The following F13A1 variants were observed in gnomAD, a reference collection of about 807,000 sequenced individuals.
F13A1 encodes the protein coagulation factor XIII A chain, also known as FSF, A subunit.
In F13A1, 47 loss-of-function variants were observed where a neutral mutation model predicts 80.1. The ratio of observed to expected loss-of-function variants is 0.59; its 90% CI spans 0.46 to 0.75. F13A1 has a LOEUF of 0.75. F13A1 is among the 30% of genes least tolerant of loss of function. The pLI is 0.00. For missense variants in F13A1, 817 were observed against 930.4 expected (o/e 0.88, Z 1.59); for synonymous variants, 349 against 344.9 (o/e 1.01, Z -0.13).
intron 14 of F13A1, among the ~76,000 whole-genome samples, chr6:6,148,419 C>A (rs187875277): frequency 6.6e-6 from 1 of 152,146 alleles, no homozygotes; most frequent in Non-Finnish European, 1.5e-5. Flanking sequence ...CCCCTGCCTT[C>A]TAGACACCAC....
At chr6:6,312,348 A>T (rs1274276281) in intron 2 of F13A1, among the ~76,000 whole-genome samples, 12 of 151,934 alleles carry the variant, frequency 7.9e-5, no homozygotes, top group Non-Finnish European at 1.8e-4. Flanking sequence ...GGCAGTGATA[A>T]GTAAAACTTT....
intron 4 of F13A1, among the ~76,000 whole-genome samples, chr6:6,257,408 C>G (rs997496398): frequency 1.3e-5 from 2 of 152,012 alleles, no homozygotes; most frequent in Non-Finnish European, 2.9e-5. Flanking sequence ...TTTCATATAG[C>G]CACTCCAGAG....
At chr6:6,211,348 C>G (rs1490884179) in intron 8 of F13A1, among the ~76,000 whole-genome samples, 2 of 152,208 alleles carry the variant, frequency 1.3e-5, no homozygotes, top group East Asian at 3.8e-4. Context: ...TGGTCTAACT[C>G]CAGGTGATTT....
chr6:6,304,978 A>G (rs550892176), intron 3 of F13A1: 11 of 351,648 alleles, frequency 3.1e-5, no homozygotes, highest in Admixed American at 1.2e-4. Context: ...AACTTTCGGA[A>G]TGCATACTTG....
chr6:6,312,342 G>A (rs111427107), intron 2 of F13A1, among the ~76,000 whole-genome samples: 84 of 151,944 alleles, frequency 5.5e-4, no homozygotes, highest in African/African-American at 2.0e-3. Flanking sequence ...AACTAAGGCA[G>A]TGATAAGTAA....
At chr6:6,208,221 T>C (rs1332936633) in intron 8 of F13A1, among the ~76,000 whole-genome samples, 2 of 152,086 alleles carry the variant, frequency 1.3e-5, no homozygotes, top group Non-Finnish European at 2.9e-5. Context: ...CAAATAGAAA[T>C]TCTGGAACTG....
At chr6:6,212,030 GC>G (rs1200817209) in intron 8 of F13A1, among the ~76,000 whole-genome samples, 4 of 152,238 alleles carry the variant, frequency 2.6e-5, no homozygotes, top group East Asian at 3.8e-4. Flanking sequence ...AGGGTCCTAT[GC>G]CCACGGAGTC....
intron 11 of F13A1, among the ~76,000 whole-genome samples, chr6:6,181,677 G>A (rs991342689): frequency 1.3e-5 from 2 of 152,094 alleles, no homozygotes; most frequent in Admixed American, 6.6e-5. Context: ...TTTTCTAATA[G>A]GATTATTTAA....
chr6:6,252,664 T>G (rs1757649542), intron 4 of F13A1, among the ~76,000 whole-genome samples: 1 of 152,194 alleles, frequency 6.6e-6, no homozygotes, highest in African/African-American at 2.4e-5. Flanking sequence ...AAAATTAACT[T>G]TGTCAAAAGA....
At chr6:6,232,894 C>A (rs1414674684) in intron 6 of F13A1, among the ~76,000 whole-genome samples, 3 of 152,076 alleles carry the variant, frequency 2.0e-5, no homozygotes, top group African/African-American at 7.2e-5. Context: ...TTAAAAAATT[C>A]TTTGAACTGA....
intron 10 of F13A1, among the ~76,000 whole-genome samples, chr6:6,188,138 C>A (rs376132362): frequency 4.6e-5 from 7 of 151,960 alleles, no homozygotes; most frequent in African/African-American, 1.5e-4. Flanking sequence ...GTCTTGCTTG[C>A]GGTCTATCAG....
intron 10 of F13A1, among the ~76,000 whole-genome samples, chr6:6,194,755 G>T (rs1259588709): frequency 6.6e-6 from 1 of 152,172 alleles, no homozygotes; most frequent in Non-Finnish European, 1.5e-5. Flanking sequence ...ATTCCCCCCA[G>T]TACAATGCCT....
intron 2 of F13A1, among the ~76,000 whole-genome samples, chr6:6,306,759 A>G (rs569796524): frequency 7.2e-5 from 11 of 152,180 alleles, no homozygotes; most frequent in Non-Finnish European, 1.0e-4. Flanking sequence ...TCATGGCTAT[A>G]AGCACCATGT....
At chr6:6,154,796 G>T (rs1760445298) in intron 13 of F13A1, among the ~76,000 whole-genome samples, 1 of 151,998 alleles carries the variant, frequency 6.6e-6, no homozygotes. Flanking sequence ...AAACATCTTT[G>T]GATTTAAAAA....
intron 6 of F13A1, among the ~76,000 whole-genome samples, chr6:6,242,616 CTG>C (rs1403216869): frequency 2.0e-5 from 3 of 152,074 alleles, no homozygotes; most frequent in Non-Finnish European, 4.4e-5. Context: ...GATCAAGTAA[CTG>C]TAAATGTTGA....
intron 13 of F13A1, among the ~76,000 whole-genome samples, chr6:6,163,511 G>C (rs1184022103): frequency 6.6e-6 from 1 of 152,038 alleles, no homozygotes; most frequent in Non-Finnish European, 1.5e-5. Context: ...CCTCCAATAG[G>C]ACCCTGTGTG....
At chr6:6,247,766 G>C (rs4959375) in intron 6 of F13A1, among the ~76,000 whole-genome samples, 11,214 of 152,236 alleles carry the variant, frequency 0.074, 698 homozygotes, top group African/African-American at 0.17. Context: ...TTGTAAAAGT[G>C]CATGAGTAAT....
At chr6:6,151,275 T>TA (rs5874018) in intron 14 of F13A1, among the ~76,000 whole-genome samples, 32,152 of 151,124 alleles carry the variant, frequency 0.21, 3,495 homozygotes, top group Middle Eastern at 0.28. Flanking sequence ...TAGGCTCAAC[T>TA]AAAAAAAAAC....
intron 4 of F13A1, among the ~76,000 whole-genome samples, chr6:6,253,086 G>T (rs944893441): frequency 2.1e-5 from 3 of 145,364 alleles, no homozygotes; most frequent in African/African-American, 7.7e-5. Flanking sequence ...TTGAGCCCAG[G>T]AGGCCGAGAT....
Sources: allele counts gnomAD v4.1 joint callset (sites outside exome capture counted in the v4.1 genomes callset), GRCh38; gene constraint gnomAD v4.1.1; transcripts MANE v1.5; gene names NCBI Gene and HGNC (gene_info 2026-07-23, HGNC 2026-07-21).